Variants in PMP2 observed in about 807,000 individuals in gnomAD.
The protein encoded by PMP2 is peripheral myelin protein 2, also known as myelin P2 protein.
Under a neutral mutation model 15.9 loss-of-function variants are expected in PMP2, and 11 were observed. That is an observed-to-expected ratio of 0.69 (90% CI 0.44 to 1.14). The LOEUF (loss-of-function observed/expected upper bound fraction) is 1.14. PMP2 is among the 50% of genes most tolerant of loss of function. The probability of loss-of-function intolerance (pLI) is 0.00; values close to 1 mark genes in which losing one functional copy is unlikely to be tolerated. For missense variants in PMP2, 151 were observed against 154.0 expected (o/e 0.98, Z 0.10); for synonymous variants, 55 against 54.1 (o/e 1.02, Z -0.07).
chr8:81,446,318 ACTTT>A (rs1807449312), intron 1 of PMP2, among the ~76,000 whole-genome samples: 1 of 152,186 alleles, frequency 6.6e-6, no homozygotes, highest in Non-Finnish European at 1.5e-5. Flanking sequence ...CTTCACTGAG[ACTTT>A]CTTTTATTTG....
rs1412083178 is a variant in PMP2, at chr8:81,447,435, C to T, written c.-49G>A. The T allele has an allele frequency of 2.1e-6, 3 of 1,454,272 alleles. No individual in the cohort carries two copies. In the South Asian group the frequency reaches 3.4e-5, roughly 17 times the overall value. 90.1% of individuals were successfully genotyped at this position (1,454,272 alleles called of 1,614,324 possible). ...AGTTCTAAGTGGGATTCAGAAGACT[C>T]AGATAAAATGCTGAGGCCTCAGAAG... On this transcript the variant is annotated 5_prime_UTR_variant, in exon 1 of 4. Transcript: ENST00000256103.
Position 81,444,972 on chromosome 8 carries a change from TG to T in PMP2, c.90del (p.Arg31GlufsTer11). 6.2e-7 allele frequency: 1 copy of T among 1,613,480 alleles called. No homozygotes were observed. Among genetic ancestry groups the T allele is most frequent in the Non-Finnish European group, 8.5e-7 (1 of 1,179,816 alleles). On this transcript the variant is annotated frameshift_variant, in exon 2 of 4. Coordinates refer to ENST00000256103, the MANE Select transcript of PMP2 (RefSeq NM_002677.5). LOFTEE classifies it high-confidence loss of function. ...YMKALGVGLA[T>X]RKLGNLAKPT... is the part of the protein sequence containing the mutation. ...GGTTTGGCCAAATTTCCCAGTTTTCTGGTGGCTAACCCCACACCTGAAAATT... is the reference window on the plus strand; with the variant it reads ...GGTTTGGCCAAATTTCCCAGTTTTCTGTGGCTAACCCCACACCTGAAAATT...
chr8:81,443,474 G>A (rs377754088), intron 3 of PMP2, 26 bp from the exon 4 acceptor site: 2 of 1,480,440 alleles, frequency 1.4e-6, no homozygotes, highest in African/African-American at 2.8e-5. Context: ...GGTTAATTGA[G>A]TATCTCAAGT....
intron 2 of PMP2, 74 bp from the exon 3 acceptor site, chr8:81,444,675 C>T: frequency 7.1e-7 from 1 of 1,401,170 alleles, no homozygotes. Context: ...CAGTATGGAA[C>T]CATTTTCATA....
chr8:81,443,354 C>T lies in PMP2; in HGVS notation c.*44G>A, dbSNP rs1458396991. 2 of 1,333,102 alleles carry T rather than the reference C, an allele frequency of 1.5e-6. No individual in the cohort carries two copies. Among genetic ancestry groups the T allele is most frequent in the Non-Finnish European group, 2.1e-6 (2 of 944,190 alleles). 82.6% of individuals were successfully genotyped at this position (1,333,102 alleles called of 1,614,324 possible). On this transcript the variant is annotated 3_prime_UTR_variant, in exon 4 of 4. Transcript: ENST00000256103. ...TTTGTCAATGGAAGCAATTGATTTC[C>T]ATCATTAAATGATAAAAAGCCACTT...
chr8:81,447,290 A>C, intron 1 of PMP2, 24 bp downstream of exon 1: 2 of 1,579,310 alleles, frequency 1.3e-6, no homozygotes, highest in Non-Finnish European at 1.7e-6. Flanking sequence ...GCTTTTCAGC[A>C]GAACAACAAA....
intron 2 of PMP2, 46 bp downstream of exon 2, chr8:81,444,771 C>T: frequency 6.4e-7 from 1 of 1,561,108 alleles, no homozygotes; most frequent in Non-Finnish European, 8.8e-7. Flanking sequence ...TCCTCTCTCT[C>T]AAGCAGCCCA....
intron 3 of PMP2, 105 bp downstream of exon 3, chr8:81,444,395 T>A: frequency 1.4e-6 from 1 of 698,800 alleles, no homozygotes; most frequent in Non-Finnish European, 2.3e-6. Context: ...TTCTTAGTCA[T>A]TTTTATCCAT....
chr8:81,443,431 G>A lies in PMP2; in HGVS notation c.366C>T (p.Gly122=), dbSNP rs562725997. 1.8e-5 allele frequency: 28 copies of A among 1,599,254 alleles called. No individual in the cohort carries two copies. Among genetic ancestry groups the A allele is most frequent in the Admixed American group, 3.4e-5 (2 of 58,486 alleles). Residue 122 remains glycine, a synonymous_variant, in exon 4 of 4, where the codon GGC becomes GGT. Transcript: ENST00000256103. The part of the protein sequence containing the change: ...GKMVAECKMK[G]VVCTRIYEKV Reference sequence around the variant, plus strand: ...TCTCATAGATTCTGGTGCACACCACGCCCTTCATTTTACATTCCTTAAAAA... The same window carrying A: ...TCTCATAGATTCTGGTGCACACCACACCCTTCATTTTACATTCCTTAAAAA...
Position 81,444,490 on chromosome 8 carries a change from A to G in PMP2, c.348+10T>C, listed in dbSNP as rs371337161. ...ATTATTTCTCTATTTAGAAGTAAAG[A>G]TACTCTTACCGCTACCATTTTCCCA... On this transcript the variant is annotated intron_variant, in intron 3 of 3. Transcript: ENST00000256103. 1 of 1,535,824 alleles carries G rather than the reference A, an allele frequency of 6.5e-7. No homozygotes were observed.
In PMP2 at chr8:81,444,812, A is replaced by T. The variant is rs753938203; in HGVS notation, c.246+5T>A. On this transcript the variant is annotated splice_donor_5th_base_variant and intron_variant, in intron 2 of 3. Transcript: ENST00000256103. The stretch of plus-strand genomic sequence containing the variant: ...CCAACTTTGAAGAGAAACATTAAAG[A>T]TTACCTTGGTCTTTCTATTGTCAGC... The T allele has an allele frequency of 1.7e-5, 28 of 1,612,000 alleles. No individual in the cohort carries two copies. Among genetic ancestry groups the T allele is most frequent in the Admixed American group, 1.2e-4 (7 of 59,454 alleles).
At chr8:81,444,711 C>A (rs1419427504) in intron 2 of PMP2, 106 bp downstream of exon 2, 1 of 1,320,694 alleles carries the variant, frequency 7.6e-7, no homozygotes, top group African/African-American at 1.5e-5. Context: ...TCAGGAGGTA[C>A]ACTCCTTTTC....
Position 81,443,292 on chromosome 8 carries a change from G to C in PMP2, c.*106C>G. The stretch of plus-strand genomic sequence containing the variant: ...GGCCTTTGCATATCTGATATATTAA[G>C]ACAAAAGCAAAAACAAATATTTGCA... On this transcript the variant is annotated 3_prime_UTR_variant, in exon 4 of 4. Coordinates refer to ENST00000256103, the MANE Select transcript of PMP2 (RefSeq NM_002677.5). 1.3e-6 allele frequency: 1 copy of C among 755,070 alleles called. No individual in the cohort carries two copies. The highest frequency in any genetic ancestry group is 2.2e-6 in the Non-Finnish European group (1 of 454,308). 46.8% of individuals were successfully genotyped at this position (755,070 alleles called of 1,614,324 possible).
chr8:81,447,200 T>G (rs1585798451), intron 1 of PMP2, 114 bp downstream of exon 1: 1 of 709,892 alleles, frequency 1.4e-6, no homozygotes, highest in African/African-American at 1.8e-5. Context: ...AAAAGAGGAT[T>G]GTACTGCAGC....
intron 2 of PMP2, 90 bp downstream of exon 2, chr8:81,444,727 A>T: frequency 7.2e-7 from 1 of 1,394,616 alleles, no homozygotes; most frequent in South Asian, 1.2e-5. Flanking sequence ...TTTTCAACAG[A>T]ATTGAGTCTA....
In PMP2 at chr8:81,442,608, G is replaced by C. The variant is rs1025915087; in HGVS notation, c.*790C>G. 17 of 152,398 alleles carry C rather than the reference G, an allele frequency of 1.1e-4. No homozygotes were observed. Among genetic ancestry groups the C allele is most frequent in the African/African-American group, 4.1e-4 (17 of 41,432 alleles). 9.4% of individuals were successfully genotyped at this position (152,398 alleles called of 1,614,324 possible). A position where few individuals can be genotyped will look rare whatever the true frequency, so the allele number is the denominator to read the frequency against. ...AAACATGATGCTGAATTTAAAAAAG[G>C]CAAACAGAAAAGAATGCATGATGTA... On this transcript the variant is annotated 3_prime_UTR_variant, in exon 4 of 4. Coordinates refer to ENST00000256103, the MANE Select transcript of PMP2 (RefSeq NM_002677.5).
chr8:81,445,445 G>C (rs191918507), intron 1 of PMP2, among the ~76,000 whole-genome samples: 2 of 151,996 alleles, frequency 1.3e-5, no homozygotes, highest in South Asian at 2.1e-4. Context: ...GGATGGTCTC[G>C]ATCTCCTGAC....
In PMP2 at chr8:81,443,343, C is replaced by T; in HGVS notation, c.*55G>A. 2 of 1,197,312 alleles carry T rather than the reference C, an allele frequency of 1.7e-6. No individual in the cohort carries two copies. The highest frequency in any genetic ancestry group is 2.4e-6 in the Non-Finnish European group (2 of 820,728). 74.2% of individuals were successfully genotyped at this position (1,197,312 alleles called of 1,614,324 possible). On this transcript the variant is annotated 3_prime_UTR_variant, in exon 4 of 4. Coordinates refer to ENST00000256103, the MANE Select transcript of PMP2 (RefSeq NM_002677.5). ...GTGTATTCAGTTTTGTCAATGGAAG[C>T]AATTGATTTCCATCATTAAATGATA...
At chr8:81,446,337 C>T (rs939824718) in intron 1 of PMP2, among the ~76,000 whole-genome samples, 2 of 152,198 alleles carry the variant, frequency 1.3e-5, no homozygotes, top group African/African-American at 4.8e-5. Context: ...TATTTGGCTT[C>T]TTCCTCAGCT....
Sources: allele counts gnomAD v4.1 joint callset (sites outside exome capture counted in the v4.1 genomes callset), GRCh38; gene constraint gnomAD v4.1.1; transcripts MANE v1.5; gene names NCBI Gene and HGNC (gene_info 2026-07-23, HGNC 2026-07-21).